SCHIP1: variants seen among roughly 807,000 people sequenced by gnomAD.
The protein encoded by SCHIP1 is schwannomin-interacting protein 1.
In SCHIP1, 8 loss-of-function variants were observed where a neutral mutation model predicts 29.7. The observed-to-expected ratio is 0.27, with a 90% CI of 0.16 to 0.49. The LOEUF is 0.49. SCHIP1 is among the 20% of genes least tolerant of loss of function. The probability of loss-of-function intolerance (pLI) is 0.99; values close to 1 mark genes in which losing one functional copy is unlikely to be tolerated. For missense variants in SCHIP1, 193 were observed against 294.6 expected (o/e 0.66, Z 2.52); for synonymous variants, 76 against 94.9 (o/e 0.80, Z 1.16).
chr3:159,759,543 G>C, the SCHIP1 span, among the ~76,000 whole-genome samples: 1 of 152,140 alleles, frequency 6.6e-6, no homozygotes, highest in African/African-American at 2.4e-5. Context: ...GCCAAACACT[G>C]TGATCAAGTG....
At chr3:159,452,547 T>C in the SCHIP1 span, among the ~76,000 whole-genome samples, 6 of 152,346 alleles carry the variant, frequency 3.9e-5, no homozygotes, top group South Asian at 1.2e-3. Flanking sequence ...ATCCAGCCTA[T>C]CATTGATGGG....
rs140853672 is a variant in SCHIP1, at chr3:159,881,927, G to A, written c.150-4280G>A. On this transcript the variant is annotated intron_variant, in intron 2 of 6. Transcript: ENST00000445224. Reference sequence around the variant, plus strand: ...TAGGGCTTCAGTTGAGACAACTGCCGGTTGAGCTCTGTGCTACGAAGTTAC... The same window carrying A: ...TAGGGCTTCAGTTGAGACAACTGCCAGTTGAGCTCTGTGCTACGAAGTTAC... Among the ~76,000 whole-genome samples, 547 of 152,290 alleles carry A rather than the reference G, an allele frequency of 3.6e-3. 6 individuals carry two copies. The highest frequency in any genetic ancestry group is 0.013 in the African/African-American group (525 of 41,562).
At chr3:159,358,892 A>C in the SCHIP1 span, among the ~76,000 whole-genome samples, 1 of 150,422 alleles carries the variant, frequency 6.6e-6, no homozygotes. Context: ...GCTAAAGTGC[A>C]CATGGAATAT....
chr3:159,644,134 T>G, the SCHIP1 span, among the ~76,000 whole-genome samples: 1 of 152,082 alleles, frequency 6.6e-6, no homozygotes, highest in African/African-American at 2.4e-5. Context: ...CCTCAGGTGC[T>G]TTACTTCCAG....
the SCHIP1 span, among the ~76,000 whole-genome samples, chr3:159,815,612 A>G: frequency 6.6e-6 from 1 of 152,200 alleles, no homozygotes; most frequent in Admixed American, 6.5e-5. Flanking sequence ...AGTTTACCAT[A>G]TATACTCCTT....
chr3:159,510,913 T>C, the SCHIP1 span, among the ~76,000 whole-genome samples: 1 of 152,176 alleles, frequency 6.6e-6, no homozygotes, highest in African/African-American at 2.4e-5. Flanking sequence ...TACTCAGGGG[T>C]CAGTGACCCA....
At chr3:159,493,990 T>C in the SCHIP1 span, among the ~76,000 whole-genome samples, 1 of 152,058 alleles carries the variant, frequency 6.6e-6, no homozygotes, top group Non-Finnish European at 1.5e-5. Flanking sequence ...AACAACCTGC[T>C]CCTGAATGAC....
At chr3:159,319,326 A>G in the SCHIP1 span, among the ~76,000 whole-genome samples, 2 of 152,320 alleles carry the variant, frequency 1.3e-5, no homozygotes, top group African/African-American at 4.8e-5. Flanking sequence ...TGAAACTCAT[A>G]CTTGTGAGCA....
the SCHIP1 span, among the ~76,000 whole-genome samples, chr3:159,468,368 A>G: frequency 1.3e-5 from 2 of 152,140 alleles, no homozygotes; most frequent in Admixed American, 1.3e-4. Flanking sequence ...TTTGGGAAAT[A>G]GATAAACAGC....
chr3:159,853,231 G>A (rs1190312315), intron 1 of SCHIP1: 4 of 497,462 alleles, frequency 8.0e-6, no homozygotes, highest in African/African-American at 2.0e-5. Context: ...GGGACAGAGT[G>A]GGGCAAGAAC....
At chr3:159,705,666 G>A in the SCHIP1 span, among the ~76,000 whole-genome samples, 1 of 152,114 alleles carries the variant, frequency 6.6e-6, no homozygotes, top group Non-Finnish European at 1.5e-5. Context: ...TCAGTAGCAG[G>A]ATGGATGTGA....
the SCHIP1 span, among the ~76,000 whole-genome samples, chr3:159,600,091 GAGGTTTCCTTTAT>G: frequency 1.3e-5 from 2 of 152,134 alleles, no homozygotes; most frequent in African/African-American, 2.4e-5. Context: ...TTAGTCTGAT[GAGGTTTCCTTTAT>G]AGGTGACTAG....
chr3:159,859,655 G>C (rs530222857), intron 1 of SCHIP1, among the ~76,000 whole-genome samples: 43 of 152,354 alleles, frequency 2.8e-4, no homozygotes, highest in Middle Eastern at 3.4e-3. Flanking sequence ...GCAGAGGCCA[G>C]GCTGCTACAA....
the SCHIP1 span, among the ~76,000 whole-genome samples, chr3:159,493,662 A>C: frequency 6.6e-6 from 1 of 150,998 alleles, no homozygotes. Context: ...GGGAGACTTT[A>C]ACACCCCACT....
the SCHIP1 span, among the ~76,000 whole-genome samples, chr3:159,749,346 T>C: frequency 1.3e-5 from 2 of 149,612 alleles, no homozygotes; most frequent in East Asian, 2.0e-4. Context: ...GAGACCCCCA[T>C]CTCGAAAGAG....
the SCHIP1 span, among the ~76,000 whole-genome samples, chr3:159,745,114 A>G: frequency 0.72 from 109,042 of 152,080 alleles, 39,669 homozygotes; most frequent in Middle Eastern, 0.9. Context: ...TGTTCATTAC[A>G]CTCTGTGCAC....
the SCHIP1 span, among the ~76,000 whole-genome samples, chr3:159,484,538 AT>A: frequency 5.3e-5 from 8 of 152,178 alleles, no homozygotes; most frequent in Non-Finnish European, 1.0e-4. Context: ...GTATGTCATT[AT>A]GTGGCAGGAG....
chr3:159,817,924 G>T, the SCHIP1 span, among the ~76,000 whole-genome samples: 1 of 152,158 alleles, frequency 6.6e-6, no homozygotes, highest in South Asian at 2.1e-4. Context: ...CACCTACAGT[G>T]TGCTACAGCC....
At chr3:159,742,599 C>T in the SCHIP1 span, among the ~76,000 whole-genome samples, 71 of 152,162 alleles carry the variant, frequency 4.7e-4, no homozygotes, top group African/African-American at 1.6e-3. Flanking sequence ...CATGAGACCA[C>T]GGTATAAGTA....
Sources: allele counts gnomAD v4.1 joint callset (sites outside exome capture counted in the v4.1 genomes callset), GRCh38; gene constraint gnomAD v4.1.1; transcripts MANE v1.5; gene names NCBI Gene and HGNC (gene_info 2026-07-23, HGNC 2026-07-21).